SPATS2L: variants seen among roughly 807,000 people sequenced by gnomAD.
The protein encoded by SPATS2L is spermatogenesis associated serine rich 2 like, also known as SPATS2-like protein.
Under a neutral mutation model 59.6 loss-of-function variants are expected in SPATS2L, and 30 were observed. The observed-to-expected ratio is 0.50, with a 90% CI of 0.38 to 0.68. The LOEUF (loss-of-function observed/expected upper bound fraction) is 0.68. Among genes scored for constraint, SPATS2L ranks in the 30% least tolerant of loss-of-function variants. The pLI, the probability that SPATS2L is intolerant of heterozygous loss-of-function variation, is 0.00. For synonymous variants in SPATS2L, 252 were observed against 263.5 expected (o/e 0.96, Z 0.42); for missense variants, 615 against 700.0 (o/e 0.88, Z 1.37).
intron 2 of SPATS2L, among the ~76,000 whole-genome samples, chr2:200,360,821 T>C (rs377492456): frequency 2.0e-5 from 3 of 152,146 alleles, no homozygotes; most frequent in East Asian, 1.9e-4. Flanking sequence ...ACATGACCCA[T>C]TGAGGGGATG....
chr2:200,477,684 A>G lies in SPATS2L; in HGVS notation c.1330A>G (p.Asn444Asp). Residue 444 changes from asparagine (N) to aspartate (D), a missense_variant, in exon 13 of 13, where the codon AAC becomes GAC. Asn to Asp is a conservative substitution (Grantham distance 23, BLOSUM62 1). Transcript: ENST00000409140. Reference sequence around the variant, plus strand: ...GAGATTTAATCCACAGTATCATAACAACAGGCTAAATGGGCCTGCCAAGTC... The same window carrying G: ...GAGATTTAATCCACAGTATCATAACGACAGGCTAAATGGGCCTGCCAAGTC... ...RRRFNPQYHNNRLNGPAKSQG... is the reference protein window; with the variant it reads ...RRRFNPQYHNDRLNGPAKSQG... 3 of 1,566,376 alleles carry G rather than the reference A, an allele frequency of 1.9e-6. No individual in the cohort carries two copies. Among genetic ancestry groups the G allele is most frequent in the Non-Finnish European group, 2.6e-6 (3 of 1,154,868 alleles).
chr2:200,315,875 AAG>A (rs1491221798), intron 1 of SPATS2L, among the ~76,000 whole-genome samples: 3 of 150,722 alleles, frequency 2.0e-5, no homozygotes, highest in Non-Finnish European at 4.4e-5. Context: ...AAAAAAAAAA[AAG>A]AGCCTGGCAT....
chr2:200,387,422 C>T (rs1165125193), intron 2 of SPATS2L, among the ~76,000 whole-genome samples: 1 of 152,136 alleles, frequency 6.6e-6, no homozygotes, highest in East Asian at 1.9e-4. Flanking sequence ...GTGTCAGTGG[C>T]AGTATTATTT....
chr2:200,308,388 C>A (rs918609754), intron 1 of SPATS2L, among the ~76,000 whole-genome samples: 2 of 151,876 alleles, frequency 1.3e-5, no homozygotes, highest in Non-Finnish European at 2.9e-5. Context: ...TAGTAACTGT[C>A]GTGTTTAAAA....
chr2:200,443,401 G>C (rs1162156013), intron 8 of SPATS2L, among the ~76,000 whole-genome samples: 1 of 152,146 alleles, frequency 6.6e-6, no homozygotes, highest in African/African-American at 2.4e-5. Flanking sequence ...GTGTTAGAAT[G>C]TACTCATTTT....
chr2:200,393,780 A>T (rs999363317), intron 3 of SPATS2L, among the ~76,000 whole-genome samples: 6 of 152,230 alleles, frequency 3.9e-5, no homozygotes, highest in African/African-American at 1.4e-4. Flanking sequence ...TTAATTCTCA[A>T]AATTAAGAAT....
At chr2:200,456,993 G>A (rs888060088) in intron 8 of SPATS2L, among the ~76,000 whole-genome samples, 9 of 151,968 alleles carry the variant, frequency 5.9e-5, no homozygotes, top group South Asian at 2.1e-4. Context: ...AAAGAATGTC[G>A]TCGTGCTGAG....
At chr2:200,414,188 A>G (rs2105994719) in intron 4 of SPATS2L, among the ~76,000 whole-genome samples, 1 of 152,228 alleles carries the variant, frequency 6.6e-6, no homozygotes, top group South Asian at 2.1e-4. Flanking sequence ...ATGGACTGTC[A>G]TCAAATCTGT....
intron 8 of SPATS2L, among the ~76,000 whole-genome samples, chr2:200,452,680 C>T (rs1028816405): frequency 6.6e-6 from 1 of 152,158 alleles, no homozygotes; most frequent in African/African-American, 2.4e-5. Flanking sequence ...TGGATTTTGA[C>T]TTTGCTTTGT....
chr2:200,426,019 T>G (rs2083553729), intron 6 of SPATS2L, among the ~76,000 whole-genome samples: 1 of 152,126 alleles, frequency 6.6e-6, no homozygotes, highest in African/African-American at 2.4e-5. Context: ...GCCAGTGTTT[T>G]ATCTAAACTT....
chr2:200,445,666 T>C (rs2084985368), intron 8 of SPATS2L, among the ~76,000 whole-genome samples: 1 of 152,232 alleles, frequency 6.6e-6, no homozygotes. Context: ...TAATTTTAAA[T>C]TGTTGAAACA....
intron 1 of SPATS2L, among the ~76,000 whole-genome samples, chr2:200,322,446 C>G (rs2079594886): frequency 6.6e-6 from 1 of 152,142 alleles, no homozygotes; most frequent in South Asian, 2.1e-4. Context: ...ACCTCTTTAG[C>G]CTTTGCTGTA....
At chr2:200,413,275 A>G (rs1306108619) in intron 4 of SPATS2L, among the ~76,000 whole-genome samples, 1 of 148,770 alleles carries the variant, frequency 6.7e-6, no homozygotes, top group Non-Finnish European at 1.5e-5. Flanking sequence ...TGCCAAATTA[A>G]TCAGAATATC....
chr2:200,310,595 AGCATTGTTTAGTATT>A (rs2079161988), intron 1 of SPATS2L, among the ~76,000 whole-genome samples: 1 of 152,244 alleles, frequency 6.6e-6, no homozygotes, highest in South Asian at 2.1e-4. Flanking sequence ...ACAATACTTT[AGCATTGTTTAGTATT>A]GCACCAGAGT....
intron 6 of SPATS2L, among the ~76,000 whole-genome samples, chr2:200,420,659 A>G (rs2083272320): frequency 6.6e-6 from 1 of 152,234 alleles, no homozygotes; most frequent in African/African-American, 2.4e-5. Context: ...TCTAAACATC[A>G]TAAAGTACCA....
At chr2:200,315,223 G>A (rs1193672664) in intron 1 of SPATS2L, among the ~76,000 whole-genome samples, 3 of 152,224 alleles carry the variant, frequency 2.0e-5, no homozygotes, top group Non-Finnish European at 4.4e-5. Flanking sequence ...GGTATGAAAT[G>A]TTTGGATAAG....
intron 3 of SPATS2L, among the ~76,000 whole-genome samples, chr2:200,405,742 C>G (rs1404457187): frequency 4.6e-5 from 7 of 152,152 alleles, no homozygotes; most frequent in Non-Finnish European, 8.8e-5. Flanking sequence ...GCAGGAACGG[C>G]AAACCCATAA....
chr2:200,344,050 A>T (rs575704110), intron 2 of SPATS2L, among the ~76,000 whole-genome samples: 155 of 151,772 alleles, frequency 1.0e-3, no homozygotes, highest in African/African-American at 3.6e-3. Context: ...TTTTTTTTAA[A>T]AAAAATTTAT....
chr2:200,415,682 T>TATATAATTTAATATAATTTGA (rs2083030949), intron 4 of SPATS2L, among the ~76,000 whole-genome samples: 1 of 152,006 alleles, frequency 6.6e-6, no homozygotes, highest in African/African-American at 2.4e-5. Context: ...ATTTAATTTA[T>TATATAATTTAATATAATTTGA]ATATAATTTA....
Sources: allele counts gnomAD v4.1 joint callset (sites outside exome capture counted in the v4.1 genomes callset), GRCh38; gene constraint gnomAD v4.1.1; transcripts MANE v1.5; gene names NCBI Gene and HGNC (gene_info 2026-07-23, HGNC 2026-07-21).